Variants in ANO2 observed in about 807,000 individuals in gnomAD.
ANO2 encodes anoctamin 2.
A neutral mutation model predicts 124.2 loss-of-function variants in ANO2; 101 were observed. The ratio of observed to expected loss-of-function variants is 0.81; its 90% CI spans 0.69 to 0.96. The LOEUF (loss-of-function observed/expected upper bound fraction) is 0.96, where lower values mean the gene tolerates loss of function less well. Among genes scored for constraint, ANO2 ranks in the 40% least tolerant of loss-of-function variants. ANO2 has a pLI of 0.00. For missense variants in ANO2, 1,293 were observed against 1,274.5 expected (o/e 1.01, Z -0.22); for synonymous variants, 486 against 482.5 (o/e 1.01, Z -0.09).
chr12:5,654,815 A>G (rs142858905), intron 14 of ANO2, among the ~76,000 whole-genome samples: 1 of 152,266 alleles, frequency 6.6e-6, no homozygotes. Flanking sequence ...CAGTCACACT[A>G]AACATCACAC....
At chr12:5,641,549 T>A (rs1467077341) in intron 15 of ANO2, among the ~76,000 whole-genome samples, 1 of 152,210 alleles carries the variant, frequency 6.6e-6, no homozygotes, top group Non-Finnish European at 1.5e-5. Flanking sequence ...CTATTAATAA[T>A]TCTCCCTGGT....
At chr12:5,867,069 G>A (rs767009431) in intron 3 of ANO2, among the ~76,000 whole-genome samples, 17 of 152,214 alleles carry the variant, frequency 1.1e-4, no homozygotes, top group African/African-American at 3.4e-4. Flanking sequence ...TGTGACCTTC[G>A]GAGGAGGCAG....
chr12:5,718,864 C>A (rs1056821394), intron 14 of ANO2, among the ~76,000 whole-genome samples: 1 of 152,212 alleles, frequency 6.6e-6, no homozygotes, highest in Non-Finnish European at 1.5e-5. Flanking sequence ...TTGGCGGCCC[C>A]AATTTCCACC....
intron 3 of ANO2, among the ~76,000 whole-genome samples, chr12:5,855,917 T>G (rs953981957): frequency 6.6e-6 from 1 of 152,214 alleles, no homozygotes; most frequent in Non-Finnish European, 1.5e-5. Context: ...AAGGAACCTA[T>G]GTGGCAGCCC....
intron 3 of ANO2, among the ~76,000 whole-genome samples, chr12:5,907,564 T>G (rs572283347): frequency 6.6e-6 from 1 of 152,254 alleles, no homozygotes; most frequent in East Asian, 1.9e-4. Context: ...TGGGGATGCC[T>G]AATCCACTCA....
At chr12:5,943,715 C>A (rs1942986523) in intron 1 of ANO2, among the ~76,000 whole-genome samples, 1 of 152,166 alleles carries the variant, frequency 6.6e-6, no homozygotes, top group Non-Finnish European at 1.5e-5. Context: ...GTACTAGAGA[C>A]AATAACACCG....
At chr12:5,927,815 G>A (rs1942154438) in intron 1 of ANO2, among the ~76,000 whole-genome samples, 1 of 152,204 alleles carries the variant, frequency 6.6e-6, no homozygotes, top group African/African-American at 2.4e-5. Flanking sequence ...CAGAAGTTCT[G>A]GCTGGGACCT....
At chr12:5,773,794 C>T (rs2137123875) in intron 10 of ANO2, among the ~76,000 whole-genome samples, 1 of 152,262 alleles carries the variant, frequency 6.6e-6, no homozygotes, top group Non-Finnish European at 1.5e-5. Context: ...CATGGGATGC[C>T]TTCTAACCCC....
intron 14 of ANO2, 76 bp from the exon 15 acceptor site, chr12:5,647,877 T>G: frequency 9.3e-7 from 1 of 1,077,498 alleles, no homozygotes; most frequent in South Asian, 1.3e-5. Context: ...TTTGCATATA[T>G]TTGCATGCGA....
intron 3 of ANO2, among the ~76,000 whole-genome samples, chr12:5,916,601 C>A (rs945458294): frequency 6.6e-6 from 1 of 150,664 alleles, no homozygotes; most frequent in African/African-American, 2.4e-5. Flanking sequence ...CAAATGTATC[C>A]TATTAATGTA....
rs768788644 is a variant in ANO2 at position 5,862,664 on chromosome 12, C to T, written c.535-8523G>A. Reference sequence around the variant, plus strand: ...TCTTGAATTGTAGCTCCCATAATTCCCACATGTTGCGGGAGGGACCTGGTG... The same window carrying T: ...TCTTGAATTGTAGCTCCCATAATTCTCACATGTTGCGGGAGGGACCTGGTG... On this transcript the variant is annotated intron_variant, in intron 3 of 24. Coordinates refer to ENST00000682330, the MANE Select transcript of ANO2 (RefSeq NM_001364791.2). The surrounding 1 kb of genome is among the most constrained non-coding windows in gnomAD (Gnocchi z 4.0). Among the ~76,000 whole-genome samples the T allele has an allele frequency of 1.3e-5, 2 of 152,182 alleles. No individual in the cohort carries two copies. The highest frequency in any genetic ancestry group is 2.4e-5 in the African/African-American group (1 of 41,426).
chr12:5,824,362 G>C (rs1348469597), intron 7 of ANO2, among the ~76,000 whole-genome samples: 1 of 152,170 alleles, frequency 6.6e-6, no homozygotes, highest in Non-Finnish European at 1.5e-5. Flanking sequence ...TTGCTGCTTA[G>C]AAATTTCTTC....
chr12:5,669,031 T>C (rs899850177), intron 14 of ANO2, among the ~76,000 whole-genome samples: 2 of 151,682 alleles, frequency 1.3e-5, no homozygotes, highest in Non-Finnish European at 3.0e-5. Context: ...TTATACAAGC[T>C]CTTTTTTTAG....
chr12:5,576,907 A>G (rs998598833), intron 22 of ANO2, among the ~76,000 whole-genome samples: 3 of 152,228 alleles, frequency 2.0e-5, no homozygotes, highest in Non-Finnish European at 4.4e-5. Flanking sequence ...GGCACTTGTT[A>G]TATGTCCTTT....
At chr12:5,733,243 C>G (rs1950717157) in intron 13 of ANO2, 1 of 366,182 alleles carries the variant, frequency 2.7e-6, no homozygotes, top group Admixed American at 3.7e-5. Context: ...TGGCAAGTAA[C>G]AGCAATGCTC....
intron 3 of ANO2, among the ~76,000 whole-genome samples, chr12:5,876,968 A>C (rs1414062310): frequency 1.1e-4 from 17 of 152,202 alleles, no homozygotes; most frequent in Admixed American, 1.1e-3. Flanking sequence ...CCAGAACTTA[A>C]AGTATAATTT....
At chr12:5,941,924 CA>C (rs113370302) in intron 1 of ANO2, among the ~76,000 whole-genome samples, 6,467 of 152,068 alleles carry the variant, frequency 0.043, 476 homozygotes, top group African/African-American at 0.14. Flanking sequence ...AAGTATCCTT[CA>C]AAAATAAGGA....
intron 3 of ANO2, among the ~76,000 whole-genome samples, chr12:5,854,372 C>G (rs184146601): frequency 6.8e-6 from 1 of 147,126 alleles, no homozygotes; most frequent in East Asian, 2.0e-4. Flanking sequence ...CAAAGTGTGG[C>G]CCCTGGAAGT....
chr12:5,707,273 T>C (rs1949648910), intron 14 of ANO2, among the ~76,000 whole-genome samples: 1 of 152,200 alleles, frequency 6.6e-6, no homozygotes, highest in Non-Finnish European at 1.5e-5. Flanking sequence ...TGATTGTAAG[T>C]TTCCTGAGGC....
Sources: allele counts gnomAD v4.1 joint callset (sites outside exome capture counted in the v4.1 genomes callset), GRCh38; gene constraint gnomAD v4.1.1; non-coding constraint Gnocchi (gnomAD v3.1); transcripts MANE v1.5; gene names NCBI Gene and HGNC (gene_info 2026-07-23, HGNC 2026-07-21).